REXO1: variants seen among roughly 807,000 people sequenced by gnomAD.
REXO1 encodes the protein REX1, RNA exonuclease 1 homolog.
A neutral mutation model predicts 102.6 loss-of-function variants in REXO1; 42 were observed. The ratio of observed to expected loss-of-function variants is 0.41; its 90% CI spans 0.32 to 0.53. The LOEUF (loss-of-function observed/expected upper bound fraction) is 0.53, where lower values mean the gene tolerates loss of function less well. Among genes scored for constraint, REXO1 ranks in the 20% least tolerant of loss-of-function variants. REXO1 has a pLI of 0.27. For missense variants in REXO1, 1,819 were observed against 1,732.5 expected, an observed-to-expected ratio of 1.05 and a Z score of -0.89; for synonymous variants, 908 against 779.1, an observed-to-expected ratio of 1.17 and a Z score of -2.76.
chr19:1,827,946 A>C lies in REXO1; in HGVS notation c.843T>G (p.Ser281Arg). The change falls in exon 2 of 16, where the codon AGT becomes AGG. Residue 281 changes from serine to arginine, a missense_variant. Physicochemically the swap from Ser to Arg is moderately radical, Grantham distance 110. Coordinates refer to ENST00000170168, the MANE Select transcript of REXO1 (RefSeq NM_020695.4). ...CTGAGTCTGAGAACCTTGCATCGCA[A>C]CTGCCAAAGGGGTCACAGAGCTTCT... ...APKKLCDPFG[S>R]CDARFSDSED... 1 of 1,613,662 alleles carries C rather than the reference A, an allele frequency of 6.2e-7. No homozygotes were observed. Among genetic ancestry groups the C allele is most frequent in the African/African-American group, 1.3e-5 (1 of 75,010 alleles).
chr19:1,837,113 C>G (rs1599163582), intron 1 of REXO1, among the ~76,000 whole-genome samples: 2 of 152,340 alleles, frequency 1.3e-5, no homozygotes, highest in East Asian at 3.9e-4. Flanking sequence ...CGGGGCTGAC[C>G]CTCGCGAAGC....
intron 11 of REXO1, 21 bp from the exon 12 acceptor site, chr19:1,817,350 T>G: frequency 6.2e-7 from 1 of 1,610,614 alleles, no homozygotes; most frequent in Non-Finnish European, 8.5e-7. Context: ...AGAAGGCAGG[T>G]GAGGGCAGCT....
intron 10 of REXO1, 99 bp downstream of exon 10, chr19:1,818,383 G>T (rs2069432325): frequency 2.3e-6 from 2 of 873,302 alleles, no homozygotes; most frequent in African/African-American, 1.7e-5. Context: ...GGGATGGAGG[G>T]CCTGGGTAAA....
At chr19:1,846,027 C>G (rs1243666109) in intron 1 of REXO1, among the ~76,000 whole-genome samples, 1 of 152,222 alleles carries the variant, frequency 6.6e-6, no homozygotes. Context: ...CAGAGCATGG[C>G]CCCACAGGTG....
intron 7 of REXO1, 111 bp downstream of exon 7, chr19:1,819,823 G>A: frequency 8.2e-7 from 1 of 1,223,198 alleles, no homozygotes; most frequent in Non-Finnish European, 1.1e-6. Flanking sequence ...CTTTCCTTTT[G>A]TCTGAGACTG....
chr19:1,842,860 A>G (rs921458404), intron 1 of REXO1, among the ~76,000 whole-genome samples: 1 of 152,224 alleles, frequency 6.6e-6, no homozygotes, highest in Admixed American at 6.5e-5. Context: ...TAGTACCTTC[A>G]AAAGTAAAGC....
rs1599184402 is a variant in REXO1, at chr19:1,848,194, G to A, written c.157+8C>T. The A allele has an allele frequency of 1.2e-5, 14 of 1,207,486 alleles. No individual in the cohort carries two copies. In the East Asian group the frequency reaches 3.2e-4, roughly 28 times the overall value. 74.8% of individuals were successfully genotyped at this position (1,207,486 alleles called of 1,614,324 possible). On this transcript the variant is annotated splice_region_variant and intron_variant, in intron 1 of 15. Transcript: ENST00000170168. ...CGAGCCCAAGGCAAGCAGGCGGGCG[G>A]GCATTACCTGCTGCGGGGGGCGCCT...
chr19:1,837,840 CG>C (rs1330457498), intron 1 of REXO1, among the ~76,000 whole-genome samples: 3 of 152,192 alleles, frequency 2.0e-5, no homozygotes, highest in Non-Finnish European at 4.4e-5. Context: ...AAAAAGGTCC[CG>C]GCCTGACCGG....
chr19:1,824,879 G>A (rs944756563), intron 3 of REXO1, among the ~76,000 whole-genome samples: 6 of 151,782 alleles, frequency 4.0e-5, no homozygotes, highest in African/African-American at 7.3e-5. Context: ...TCCACCTCCC[G>A]GGTTCAAGCA....
intron 3 of REXO1, among the ~76,000 whole-genome samples, chr19:1,825,169 G>A (rs1425040421): frequency 8.6e-5 from 13 of 150,474 alleles, no homozygotes; most frequent in African/African-American, 2.9e-4. Context: ...GTGTGGTGGT[G>A]GGCACCTGTA....
chr19:1,817,891 CAGGA>C, intron 10 of REXO1, 111 bp from the exon 11 acceptor site: 1 of 791,552 alleles, frequency 1.3e-6, no homozygotes, highest in Non-Finnish European at 2.1e-6. Flanking sequence ...GGACTGAGGA[CAGGA>C]GGCCTCAGCC....
At position 1,818,752 on chromosome 19, in the gene REXO1, G is replaced by C; in HGVS notation, c.2856C>G (p.Pro952=). The change falls in exon 9 of 16, where the codon CCC becomes CCG. Residue 952 remains proline, a synonymous_variant. Coordinates refer to ENST00000170168, the MANE Select transcript of REXO1 (RefSeq NM_020695.4). ...NGYPFPHPER[P]GGAIIFTAEE... ...CAGCTGTGAAGATGATTGCGCCCCC[G>C]GGCCGCTCTGGGTGCGGGAAGGGGT... The C allele has an allele frequency of 6.2e-7, 1 of 1,610,708 alleles. No homozygotes were observed.
intron 5 of REXO1, among the ~76,000 whole-genome samples, chr19:1,821,255 G>C (rs946243600): frequency 6.6e-6 from 1 of 151,480 alleles, no homozygotes; most frequent in African/African-American, 2.4e-5. Flanking sequence ...TGAGGCCAGA[G>C]AATGGCGTGA....
In REXO1 at chr19:1,817,703, T is replaced by C; in HGVS notation, c.3090+4A>G. On this transcript the variant is annotated splice_donor_region_variant and intron_variant, in intron 11 of 15. Coordinates refer to ENST00000170168, the MANE Select transcript of REXO1 (RefSeq NM_020695.4). ...GCAGAGGGGACTGGGACGCCAGGGC[T>C]CACCTTTGCGACTTGGCAGCCGACA... 1 of 1,611,890 alleles carries C rather than the reference T, an allele frequency of 6.2e-7. No individual in the cohort carries two copies. Among genetic ancestry groups the C allele is most frequent in the African/African-American group, 1.3e-5 (1 of 75,038 alleles).
In REXO1 at chr19:1,848,250, G is replaced by C. The variant is rs1369695854; in HGVS notation, c.109C>G (p.Arg37Gly). 1.5e-5 allele frequency: 19 copies of C among 1,229,914 alleles called. No individual in the cohort carries two copies. The highest frequency in any genetic ancestry group is 3.2e-5 in the East Asian group (1 of 30,938). The allele number at this position is 1,229,914 out of a possible 1,614,324, so 76.2% of individuals were successfully genotyped here. Residue 37 changes from arginine (R) to glycine (G), a missense_variant, in exon 1 of 16, where the codon CGG becomes GGG. Arg to Gly is a moderately radical substitution (Grantham distance 125, BLOSUM62 -2). Coordinates refer to ENST00000170168, the MANE Select transcript of REXO1 (RefSeq NM_020695.4). ...PYCHFRHRGA[R>G]GSGAPGDGGE... The stretch of plus-strand genomic sequence containing the variant: ...CCGTCACCGGGCGCGCCGGAGCCCC[G>C]GGCCCCGCGGTGCCGGAAGTGGCAG...
At chr19:1,840,306 G>A (rs1426957203) in intron 1 of REXO1, among the ~76,000 whole-genome samples, 1 of 152,036 alleles carries the variant, frequency 6.6e-6, no homozygotes, top group Non-Finnish European at 1.5e-5. Context: ...CCAGAGGCAC[G>A]GGCCCCTCCA....
chr19:1,833,655 C>T (rs2069964299), intron 1 of REXO1, among the ~76,000 whole-genome samples: 1 of 152,178 alleles, frequency 6.6e-6, no homozygotes, highest in South Asian at 2.1e-4. Flanking sequence ...TCAAGGGCGC[C>T]CTCCCGGCCC....
At position 1,818,739 on chromosome 19, in the gene REXO1, T is replaced by C. The variant is rs765246274; in HGVS notation, c.2869A>G (p.Ile957Val). ...GGCCTCTTCTCCTCAGCTGTGAAGA[T>C]GATTGCGCCCCCGGGCCGCTCTGGG... ...PHPERPGGAI[I>V]FTAEEKRPKD... Residue 957 changes from isoleucine (I) to valine (V), a missense_variant, in exon 9 of 16, where the codon ATC becomes GTC. Transcript: ENST00000170168. 3.1e-6 allele frequency: 5 copies of C among 1,611,186 alleles called. No individual in the cohort carries two copies. The South Asian group carries it at 3.3e-5, about 11-fold the overall frequency.
chr19:1,836,801 C>A (rs887113397), intron 1 of REXO1, among the ~76,000 whole-genome samples: 2 of 151,872 alleles, frequency 1.3e-5, no homozygotes, highest in Admixed American at 1.3e-4. Context: ...CTCCGGACAC[C>A]GTTCGGTGGG....
Sources: gnomAD v4.1 joint callset for allele counts (sites outside exome capture counted in the v4.1 genomes callset) on GRCh38, gnomAD v4.1.1 for gene constraint, MANE v1.5 for transcripts, NCBI Gene and HGNC (gene_info 2026-07-23, HGNC 2026-07-21) for gene names.